Variants in XIRP2 observed in about 807,000 individuals in gnomAD.
XIRP2 encodes the protein xin actin binding repeat containing 2.
A neutral mutation model predicts 277.0 loss-of-function variants in XIRP2; 236 were observed. The ratio of observed to expected loss-of-function variants is 0.85; its 90% CI spans 0.77 to 0.95. XIRP2 has a LOEUF of 0.95. XIRP2 is among the 40% of genes least tolerant of loss of function. The pLI is 0.00. For synonymous variants in XIRP2, 1,490 were observed against 1,416.5 expected (o/e 1.05, Z -1.17); for missense variants, 4,640 against 4,157.5 (o/e 1.12, Z -3.19).
intron 2 of XIRP2, among the ~76,000 whole-genome samples, chr2:167,020,656 T>C (rs1486558262): frequency 6.6e-6 from 1 of 152,022 alleles, no homozygotes; most frequent in African/African-American, 2.4e-5. Flanking sequence ...CTGAAATGCA[T>C]AGTTTCAAAT....
At chr2:167,081,931 T>A (rs1689747644) in intron 2 of XIRP2, among the ~76,000 whole-genome samples, 1 of 136,632 alleles carries the variant, frequency 7.3e-6, no homozygotes, top group South Asian at 2.5e-4. Flanking sequence ...TTATATCCAC[T>A]TAACCATGTA....
At chr2:167,202,986 C>T (rs1693764236) in intron 3 of XIRP2, among the ~76,000 whole-genome samples, 1 of 152,140 alleles carries the variant, frequency 6.6e-6, no homozygotes, top group Admixed American at 6.5e-5. Flanking sequence ...TATTCAATCT[C>T]TTTTCTCTCC....
intron 2 of XIRP2, among the ~76,000 whole-genome samples, chr2:167,084,560 C>G (rs920718249): frequency 2.0e-5 from 3 of 151,770 alleles, no homozygotes; most frequent in Non-Finnish European, 2.9e-5. Flanking sequence ...GGCTGTGAAT[C>G]CATCTGGTCC....
chr2:166,910,125 A>G (rs1684658367), intron 2 of XIRP2, among the ~76,000 whole-genome samples: 1 of 152,212 alleles, frequency 6.6e-6, no homozygotes, highest in African/African-American at 2.4e-5. Flanking sequence ...TGCTGGCCTC[A>G]TGAAATGAGT....
At chr2:167,219,624 CTTTG>C (rs1337016505) in intron 5 of XIRP2, among the ~76,000 whole-genome samples, 1 of 152,162 alleles carries the variant, frequency 6.6e-6, no homozygotes, top group Admixed American at 6.6e-5. Context: ...ACTCCAGGCA[CTTTG>C]TTTAACACTC....
Position 167,011,558 on chromosome 2 carries a change from C to T in XIRP2, c.408+107668C>T, listed in dbSNP as rs562305795. On this transcript the variant is annotated intron_variant, in intron 2 of 10. Transcript: ENST00000409195. ...CTGTTTTGGTTGTGTCTCTGCCAGG[C>T]TTTGGTATCAGGATGATGCTGGCCT... is the stretch of plus-strand genomic sequence containing the variant. Among the ~76,000 whole-genome samples the T allele has an allele frequency of 3.3e-5, 5 of 152,122 alleles. No individual in the cohort carries two copies. In the East Asian group the frequency reaches 9.7e-4, roughly 30 times the overall value.
intron 2 of XIRP2, among the ~76,000 whole-genome samples, chr2:167,082,108 A>G (rs1332706622): frequency 2.5e-5 from 2 of 79,570 alleles, no homozygotes; most frequent in Non-Finnish European, 5.0e-5. Flanking sequence ...CCCTCTACCC[A>G]CCACAGTCCC....
At chr2:167,028,613 C>T (rs1294377175) in intron 2 of XIRP2, among the ~76,000 whole-genome samples, 1 of 151,870 alleles carries the variant, frequency 6.6e-6, no homozygotes, top group Non-Finnish European at 1.5e-5. Context: ...GAAGTCCAGA[C>T]CTCAAAGACT....
At chr2:166,995,756 T>C (rs12476945) in intron 2 of XIRP2, among the ~76,000 whole-genome samples, 49,408 of 151,994 alleles carry the variant, frequency 0.33, 8,692 homozygotes, top group African/African-American at 0.44. Flanking sequence ...TAAGCTGTTA[T>C]AAAATTTGTA....
chr2:166,933,384 G>A (rs536929758), intron 2 of XIRP2, among the ~76,000 whole-genome samples: 83 of 151,980 alleles, frequency 5.5e-4, no homozygotes, highest in Non-Finnish European at 9.1e-4. Context: ...TCCTGACCTC[G>A]TGATCCACCC....
chr2:166,895,000 C>T (rs575321864), intron 1 of XIRP2, among the ~76,000 whole-genome samples: 9 of 152,118 alleles, frequency 5.9e-5, no homozygotes, highest in Admixed American at 2.6e-4. Context: ...AGAGTACTTA[C>T]GCAGAGGGAC....
At chr2:167,142,766 G>A (rs1310475595) in intron 3 of XIRP2, among the ~76,000 whole-genome samples, 3 of 152,104 alleles carry the variant, frequency 2.0e-5, no homozygotes, top group African/African-American at 4.8e-5. Context: ...GTTCACAAGT[G>A]CAGACGGTGC....
At chr2:167,142,928 AG>A (rs931390579) in intron 3 of XIRP2, among the ~76,000 whole-genome samples, 2 of 152,118 alleles carry the variant, frequency 1.3e-5, no homozygotes, top group Non-Finnish European at 2.9e-5. Flanking sequence ...AAAGAAGGAA[AG>A]GAAGGAGGAA....
chr2:167,145,872 G>A (rs567661080), intron 3 of XIRP2, among the ~76,000 whole-genome samples: 3 of 152,174 alleles, frequency 2.0e-5, no homozygotes, highest in East Asian at 3.9e-4. Context: ...AATCAGTAAC[G>A]GTGGACCATT....
intron 2 of XIRP2, among the ~76,000 whole-genome samples, chr2:166,980,401 G>T (rs1042763433): frequency 2.6e-5 from 4 of 152,012 alleles, no homozygotes; most frequent in Non-Finnish European, 5.9e-5. Context: ...AAATTTTAAT[G>T]CAGTTACTAA....
chr2:166,909,505 G>C (rs1248595589), intron 2 of XIRP2, among the ~76,000 whole-genome samples: 1 of 152,176 alleles, frequency 6.6e-6, no homozygotes, highest in Admixed American at 6.5e-5. Flanking sequence ...ATCAGCTTAA[G>C]GAGATTTTGG....
At chr2:167,080,345 G>A (rs1373263659) in intron 2 of XIRP2, among the ~76,000 whole-genome samples, 1 of 152,146 alleles carries the variant, frequency 6.6e-6, no homozygotes, top group Non-Finnish European at 1.5e-5. Context: ...GATAAAACAG[G>A]ATGCTTAAAT....
Position 167,244,580 on chromosome 2 carries a change from C to G in XIRP2, c.3188C>G (p.Pro1063Arg). ...GCCAAATGGTTGTTTGAAACCCAACCTCTTGATTCAATTAAATATTTTAGT... is the reference window on the plus strand; with the variant it reads ...GCCAAATGGTTGTTTGAAACCCAACGTCTTGATTCAATTAAATATTTTAGT... ...KSAKWLFETQ[P>R]LDSIKYFSDV... Residue 1063 changes from proline to arginine, a missense_variant, in exon 9 of 11, where the codon CCT (proline) becomes CGT (arginine). By Grantham distance (103) the Pro-to-Arg change is moderately radical. Transcript: ENST00000409195. 6.2e-7 allele frequency: 1 copy of G among 1,612,582 alleles called. No individual in the cohort carries two copies. Among genetic ancestry groups the G allele is most frequent in the Non-Finnish European group, 8.5e-7 (1 of 1,179,466 alleles).
At position 167,246,149 on chromosome 2, in the gene XIRP2, A is replaced by G; in HGVS notation, c.4757A>G (p.Lys1586Arg). 6.2e-7 allele frequency: 1 copy of G among 1,613,112 alleles called. No individual in the cohort carries two copies. The highest frequency in any genetic ancestry group is 1.1e-5 in the South Asian group (1 of 90,810). The part of the protein sequence containing the change: ...EIGDVRMAKY[K>R]LMNQASPEIQ... The stretch of plus-strand genomic sequence containing the variant: ...GGGGATGTTCGAATGGCAAAATACA[A>G]GCTAATGAACCAAGCATCTCCTGAG... The change falls in exon 9 of 11, where the codon AAG becomes AGG. Residue 1586 changes from lysine (K) to arginine (R), a missense_variant. Lys to Arg is a conservative substitution (Grantham distance 26). Transcript: ENST00000409195.
Sources: allele counts gnomAD v4.1 joint callset (sites outside exome capture counted in the v4.1 genomes callset), GRCh38; gene constraint gnomAD v4.1.1; transcripts MANE v1.5; gene names NCBI Gene and HGNC (gene_info 2026-07-23, HGNC 2026-07-21).